The following RCAN1 variants were observed in gnomAD, a reference collection of about 807,000 sequenced individuals.
RCAN1 encodes the protein calcipressin-1.
In RCAN1, 11 loss-of-function variants were observed where a neutral mutation model predicts 22.9. That is an observed-to-expected ratio of 0.48 (90% CI 0.30 to 0.79). The LOEUF (loss-of-function observed/expected upper bound fraction) is 0.79. RCAN1 is among the 30% of genes least tolerant of loss of function. The probability of loss-of-function intolerance (pLI) is 0.06; values close to 1 mark genes in which losing one functional copy is unlikely to be tolerated. For missense variants in RCAN1, 291 were observed against 337.8 expected, an observed-to-expected ratio of 0.86 and a Z score of 1.09; for synonymous variants, 136 against 142.3, an observed-to-expected ratio of 0.96 and a Z score of 0.32.
chr21:34,539,588 T>G (rs1985832140), intron 1 of RCAN1, among the ~76,000 whole-genome samples: 2 of 152,332 alleles, frequency 1.3e-5, no homozygotes, highest in South Asian at 4.1e-4. Flanking sequence ...TCCCCTTCCC[T>G]CACTAGATGC....
At chr21:34,578,161 G>C (rs1350862814) in intron 1 of RCAN1, among the ~76,000 whole-genome samples, 1 of 152,128 alleles carries the variant, frequency 6.6e-6, no homozygotes, top group East Asian at 1.9e-4. Context: ...AAGAGCAAGA[G>C]GTGCGTTAGG....
intron 1 of RCAN1, among the ~76,000 whole-genome samples, chr21:34,564,969 A>G (rs1986949181): frequency 6.6e-6 from 1 of 152,174 alleles, no homozygotes; most frequent in African/African-American, 2.4e-5. Flanking sequence ...GGAGGCCAAG[A>G]CAGTAGGATT....
intron 1 of RCAN1, chr21:34,613,658 A>G: frequency 8.8e-7 from 1 of 1,140,334 alleles, no homozygotes. Context: ...AAGATCAATC[A>G]GTAAGACCCT....
At chr21:34,586,011 A>C (rs1050615756) in intron 1 of RCAN1, among the ~76,000 whole-genome samples, 1 of 152,206 alleles carries the variant, frequency 6.6e-6, no homozygotes, top group Non-Finnish European at 1.5e-5. Context: ...AAATCTGTAT[A>C]TATCCAATAA....
intron 1 of RCAN1, among the ~76,000 whole-genome samples, chr21:34,569,576 G>C (rs999030821): frequency 3.9e-5 from 6 of 152,182 alleles, no homozygotes; most frequent in Non-Finnish European, 8.8e-5. Flanking sequence ...TGGAGTCACT[G>C]CCAGAGGCTA....
At chr21:34,567,392 G>A (rs1408642453) in intron 1 of RCAN1, among the ~76,000 whole-genome samples, 3 of 152,006 alleles carry the variant, frequency 2.0e-5, no homozygotes, top group African/African-American at 7.2e-5. Flanking sequence ...AGCTACTCGG[G>A]AGACTCTGGA....
chr21:34,533,518 G>A (rs1380157625), intron 1 of RCAN1, among the ~76,000 whole-genome samples: 1 of 152,058 alleles, frequency 6.6e-6, no homozygotes, highest in African/African-American at 2.4e-5. Flanking sequence ...AAGCCTTCTG[G>A]TTCACATTCA....
chr21:34,591,015 G>A (rs1207548141), intron 1 of RCAN1, among the ~76,000 whole-genome samples: 1 of 152,180 alleles, frequency 6.6e-6, no homozygotes, highest in Non-Finnish European at 1.5e-5. Context: ...CGAGGCCTCT[G>A]TAGTGTTCTG....
At chr21:34,567,130 A>G (rs984989747) in intron 1 of RCAN1, among the ~76,000 whole-genome samples, 11 of 116,858 alleles carry the variant, frequency 9.4e-5, no homozygotes, top group Non-Finnish European at 1.9e-4. Context: ...GTTCTATGTA[A>G]AATTTCAAAA....
At chr21:34,588,553 A>G (rs1463014568) in intron 1 of RCAN1, among the ~76,000 whole-genome samples, 1 of 152,258 alleles carries the variant, frequency 6.6e-6, no homozygotes, top group Non-Finnish European at 1.5e-5. Context: ...AAGGAGGTAG[A>G]GAAATCAGAA....
At position 34,611,288 on chromosome 21, in the gene RCAN1, A is replaced by G. The variant is rs536680115; in HGVS notation, c.252+3472T>C. Among the ~76,000 whole-genome samples the G allele has an allele frequency of 1.6e-4, 25 of 152,354 alleles. 1 individual carries two copies. The highest frequency in any genetic ancestry group is 3.4e-3 in the Middle Eastern group (1 of 294). ...CTATAATGGAATATGTTCATCAAAT[A>G]TTTGTACAAACAGAAAATAATCATA... is the stretch of plus-strand genomic sequence containing the variant. On this transcript the variant is annotated intron_variant, in intron 1 of 3. Transcript: ENST00000313806.
At chr21:34,601,437 G>A (rs527453328) in intron 1 of RCAN1, among the ~76,000 whole-genome samples, 1 of 152,290 alleles carries the variant, frequency 6.6e-6, no homozygotes, top group South Asian at 2.1e-4. Context: ...ACTGGGATTT[G>A]AATCCAGACC....
chr21:34,529,931 A>G (rs1001686667), intron 1 of RCAN1, among the ~76,000 whole-genome samples: 5 of 152,040 alleles, frequency 3.3e-5, no homozygotes, highest in African/African-American at 4.8e-5. Flanking sequence ...AGGGGTTTTC[A>G]CTTTTGCTTT....
At chr21:34,591,427 G>A (rs1260340160) in intron 1 of RCAN1, among the ~76,000 whole-genome samples, 2 of 152,122 alleles carry the variant, frequency 1.3e-5, no homozygotes, top group Non-Finnish European at 2.9e-5. Context: ...GGCTTTCTGG[G>A]TGAAAACTGC....
rs1192227958 is a variant in RCAN1, at chr21:34,614,788, G to A, written c.224C>T (p.Pro75Leu). The A allele has an allele frequency of 6.8e-7, 1 of 1,471,628 alleles. No individual in the cohort carries two copies. 91.2% of individuals were successfully genotyped at this position (1,471,628 alleles called of 1,614,324 possible). A position where few individuals can be genotyped will look rare whatever the true frequency, so the allele number is the denominator to read the frequency against. The change falls in exon 1 of 4, where the codon CCG becomes CTG. Residue 75 changes from proline to leucine, a missense_variant. By Grantham distance (98) the Pro-to-Leu change is moderately conservative (BLOSUM62 -3). Transcript: ENST00000313806. The surrounding 1 kb of genome is among the most constrained non-coding windows in gnomAD (Gnocchi z 6.0). ...PSATIACHLD[P>L]RVFVDGLCRA... ...GCACAGGCCGTCCACGAACACGCGCGGGTCCAGGTGACAGGCGATGGTGGC... is the reference window on the plus strand; with the variant it reads ...GCACAGGCCGTCCACGAACACGCGCAGGTCCAGGTGACAGGCGATGGTGGC...
At chr21:34,576,405 G>A (rs917787573) in intron 1 of RCAN1, among the ~76,000 whole-genome samples, 5 of 152,166 alleles carry the variant, frequency 3.3e-5, no homozygotes, top group Non-Finnish European at 7.4e-5. Flanking sequence ...AGGAACCCAG[G>A]ACAAGAGAAA....
At position 34,516,907 on chromosome 21, in the gene RCAN1, G is replaced by A. The variant is rs1331623254; in HGVS notation, c.*1177C>T. The A allele has an allele frequency of 6.6e-6, 1 of 152,586 alleles. No individual in the cohort carries two copies. Among genetic ancestry groups the A allele is most frequent in the Non-Finnish European group, 1.5e-5 (1 of 68,024 alleles). 9.5% of individuals were successfully genotyped at this position (152,586 alleles called of 1,614,324 possible). A position where few individuals can be genotyped will look rare whatever the true frequency, so the allele number is the denominator to read the frequency against. Reference sequence around the variant, plus strand: ...ATAACAATTCCATCAGGAATGAATGGGGAAAGGCACTGCATCCCTCTCATA... The same window carrying A: ...ATAACAATTCCATCAGGAATGAATGAGGAAAGGCACTGCATCCCTCTCATA... On this transcript the variant is annotated 3_prime_UTR_variant, in exon 4 of 4. Transcript: ENST00000313806.
At chr21:34,562,928 C>T (rs931598529) in intron 1 of RCAN1, among the ~76,000 whole-genome samples, 2 of 152,168 alleles carry the variant, frequency 1.3e-5, no homozygotes, top group African/African-American at 4.8e-5. Context: ...GCCACCAGCA[C>T]GCCATCAGCT....
At chr21:34,570,606 CT>C (rs1270025365) in intron 1 of RCAN1, among the ~76,000 whole-genome samples, 2 of 150,994 alleles carry the variant, frequency 1.3e-5, no homozygotes, top group African/African-American at 4.9e-5. Context: ...CTTTTTTCTG[CT>C]GATACATCTC....
Sources: gnomAD v4.1 joint callset for allele counts (sites outside exome capture counted in the v4.1 genomes callset) on GRCh38, gnomAD v4.1.1 for gene constraint, Gnocchi (gnomAD v3.1) non-coding constraint, MANE v1.5 for transcripts, NCBI Gene and HGNC (gene_info 2026-07-23, HGNC 2026-07-21) for gene names.